The following MTSS1 variants were observed in gnomAD, a reference collection of about 807,000 sequenced individuals.
MTSS1 encodes MTSS I-BAR domain containing 1.
In MTSS1, 18 loss-of-function variants were observed where a neutral mutation model predicts 79.0. That is an observed-to-expected ratio of 0.23 (90% CI 0.16 to 0.34). The LOEUF is 0.34. MTSS1 is among the 10% of genes least tolerant of loss of function. The pLI is 1.00. For missense variants in MTSS1, 815 were observed against 986.2 expected (o/e 0.83, Z 2.33); for synonymous variants, 341 against 368.6 (o/e 0.93, Z 0.86).
Position 124,613,565 on chromosome 8 carries a change from C to G in MTSS1, c.209-22330G>C, listed in dbSNP as rs1044265645. 2.0e-5 allele frequency among the ~76,000 whole-genome samples: 3 copies of G among 152,224 alleles called. No individual in the cohort carries two copies. The East Asian group carries it at 5.8e-4, about 29-fold the overall frequency. ...AACTCCTATGCAGAAATGTGTGTAACAATTGGGAGGAGAGTATCACTGCCT... is the reference window on the plus strand; with the variant it reads ...AACTCCTATGCAGAAATGTGTGTAAGAATTGGGAGGAGAGTATCACTGCCT... On this transcript the variant is annotated intron_variant, in intron 3 of 13. Coordinates refer to ENST00000518547, the MANE Select transcript of MTSS1 (RefSeq NM_014751.6).
chr8:124,681,151 C>G (rs1563987675), intron 3 of MTSS1, among the ~76,000 whole-genome samples: 1 of 151,238 alleles, frequency 6.6e-6, no homozygotes, highest in African/African-American at 2.4e-5. Flanking sequence ...ACTTTTAAAA[C>G]CTTAGACAAA....
chr8:124,565,633 A>G (rs960635764), intron 9 of MTSS1, 29 bp downstream of exon 9: 1 of 1,587,526 alleles, frequency 6.3e-7, no homozygotes, highest in Non-Finnish European at 8.7e-7. Context: ...CCCGTCCTGA[A>G]AGCAAGAGTG....
At chr8:124,592,008 A>G (rs952745818) in intron 3 of MTSS1, among the ~76,000 whole-genome samples, 1 of 151,802 alleles carries the variant, frequency 6.6e-6, no homozygotes, top group Non-Finnish European at 1.5e-5. Context: ...CTGGTCTCGA[A>G]CTCCTGACCT....
chr8:124,654,859 C>A (rs917465063), intron 3 of MTSS1, among the ~76,000 whole-genome samples: 10 of 152,190 alleles, frequency 6.6e-5, no homozygotes, highest in Non-Finnish European at 1.3e-4. Context: ...TAGCAAAGAA[C>A]CACCTGAGGT....
chr8:124,726,232 C>G (rs942669422), intron 1 of MTSS1, among the ~76,000 whole-genome samples: 1 of 152,238 alleles, frequency 6.6e-6, no homozygotes, highest in Non-Finnish European at 1.5e-5. Context: ...ACAGCCCACC[C>G]TTTGGGCAGG....
At chr8:124,614,917 T>C (rs149256851) in intron 3 of MTSS1, among the ~76,000 whole-genome samples, 1,779 of 152,292 alleles carry the variant, frequency 0.012, 16 homozygotes, top group Non-Finnish European at 0.018. Flanking sequence ...ACAGGCGCAG[T>C]GGTACAAAAT....
chr8:124,677,542 T>G (rs1825507425), intron 3 of MTSS1, among the ~76,000 whole-genome samples: 2 of 152,236 alleles, frequency 1.3e-5, no homozygotes, highest in Admixed American at 1.3e-4. Context: ...ATTACTGTTT[T>G]CATTTTTTTC....
At chr8:124,631,808 C>T (rs975239300) in intron 3 of MTSS1, among the ~76,000 whole-genome samples, 7 of 152,308 alleles carry the variant, frequency 4.6e-5, no homozygotes, top group African/African-American at 1.7e-4. Context: ...CAGAATCACA[C>T]CCACGGCCCT....
At chr8:124,704,769 G>A (rs1830166535) in intron 1 of MTSS1, among the ~76,000 whole-genome samples, 1 of 152,172 alleles carries the variant, frequency 6.6e-6, no homozygotes, top group African/African-American at 2.4e-5. Context: ...CACCTTCCCA[G>A]CCTATTATCA....
intron 3 of MTSS1, among the ~76,000 whole-genome samples, chr8:124,639,095 G>A (rs1254876396): frequency 6.6e-6 from 1 of 152,198 alleles, no homozygotes; most frequent in African/African-American, 2.4e-5. Flanking sequence ...TCAGCACTTT[G>A]GGAGGCCAAG....
At chr8:124,616,824 A>G (rs1188362215) in intron 3 of MTSS1, among the ~76,000 whole-genome samples, 1 of 152,194 alleles carries the variant, frequency 6.6e-6, no homozygotes, top group African/African-American at 2.4e-5. Context: ...CGTGCTACCT[A>G]CTGCGCTAAG....
chr8:124,698,487 T>C (rs1010188092), intron 3 of MTSS1, among the ~76,000 whole-genome samples: 8 of 151,462 alleles, frequency 5.3e-5, no homozygotes, highest in Non-Finnish European at 1.0e-4. Context: ...TTACTGGTAA[T>C]GTTGCATGTG....
chr8:124,598,867 G>C (rs1833230125), intron 3 of MTSS1, among the ~76,000 whole-genome samples: 1 of 152,186 alleles, frequency 6.6e-6, no homozygotes, highest in Non-Finnish European at 1.5e-5. Flanking sequence ...CAGGATCTAA[G>C]GCCGCAGCTG....
chr8:124,637,007 A>G (rs1817129267), intron 3 of MTSS1, among the ~76,000 whole-genome samples: 1 of 152,216 alleles, frequency 6.6e-6, no homozygotes, highest in Non-Finnish European at 1.5e-5. Context: ...TACGGAAGGA[A>G]TTAATTTTCA....
chr8:124,596,126 C>T (rs1463875292), intron 3 of MTSS1, among the ~76,000 whole-genome samples: 1 of 152,206 alleles, frequency 6.6e-6, no homozygotes, highest in Non-Finnish European at 1.5e-5. Context: ...GTCCCTTAGC[C>T]ACCAACCCGA....
intron 10 of MTSS1, among the ~76,000 whole-genome samples, chr8:124,562,190 A>G (rs1468691646): frequency 2.6e-5 from 4 of 152,238 alleles, no homozygotes; most frequent in Non-Finnish European, 5.9e-5. Context: ...AGCTGGAACC[A>G]CTGGGCTGGG....
intron 3 of MTSS1, among the ~76,000 whole-genome samples, chr8:124,633,189 T>C (rs1816339925): frequency 6.6e-6 from 1 of 151,954 alleles, no homozygotes; most frequent in Non-Finnish European, 1.5e-5. Context: ...TTTTTAAAGA[T>C]GGATTTTGCC....
intron 1 of MTSS1, among the ~76,000 whole-genome samples, chr8:124,716,546 A>G (rs1330941186): frequency 6.6e-6 from 1 of 152,170 alleles, no homozygotes; most frequent in Non-Finnish European, 1.5e-5. Flanking sequence ...AGCAAGACCT[A>G]TCAGAGAATG....
At chr8:124,670,420 C>T (rs1253478988) in intron 3 of MTSS1, among the ~76,000 whole-genome samples, 2 of 151,600 alleles carry the variant, frequency 1.3e-5, no homozygotes, top group East Asian at 3.9e-4. Context: ...CTGGCGGCAC[C>T]CCACACAGCC....
Sources: allele counts gnomAD v4.1 joint callset (sites outside exome capture counted in the v4.1 genomes callset), GRCh38; gene constraint gnomAD v4.1.1; transcripts MANE v1.5; gene names NCBI Gene and HGNC (gene_info 2026-07-23, HGNC 2026-07-21).